Variants in LSAMP observed in about 807,000 individuals in gnomAD.
LSAMP encodes limbic system associated membrane protein.
LSAMP carries 7 observed loss-of-function variants against 38.6 expected under a neutral mutation model. That is an observed-to-expected ratio of 0.18 (90% CI 0.10 to 0.34). LSAMP has a LOEUF of 0.34. LSAMP is among the 10% of genes least tolerant of loss of function. LSAMP has a pLI of 1.00. For missense variants in LSAMP, 313 were observed against 420.0 expected, an observed-to-expected ratio of 0.75 and a Z score of 2.23; for synonymous variants, 154 against 166.8, an observed-to-expected ratio of 0.92 and a Z score of 0.59.
At chr3:116,018,654 T>C (rs1455366630) in intron 3 of LSAMP, among the ~76,000 whole-genome samples, 4 of 152,200 alleles carry the variant, frequency 2.6e-5, no homozygotes, top group Non-Finnish European at 5.9e-5. Context: ...TGACAAGACA[T>C]GGTTTTGCAT....
intron 3 of LSAMP, among the ~76,000 whole-genome samples, chr3:115,966,394 T>C (rs1208744424): frequency 1.3e-5 from 2 of 152,220 alleles, no homozygotes; most frequent in Non-Finnish European, 2.9e-5. Flanking sequence ...TTTAAACTCC[T>C]GTGATTCTGA....
At chr3:116,326,131 T>C (rs1050249844) in intron 1 of LSAMP, among the ~76,000 whole-genome samples, 15 of 152,130 alleles carry the variant, frequency 9.9e-5, no homozygotes, top group African/African-American at 3.1e-4. Flanking sequence ...TCAATCAAAC[T>C]ATCTATATAG....
At chr3:116,114,879 A>G (rs1422076904) in intron 1 of LSAMP, among the ~76,000 whole-genome samples, 1 of 152,226 alleles carries the variant, frequency 6.6e-6, no homozygotes, top group Non-Finnish European at 1.5e-5. Context: ...AAAGTCCCCT[A>G]CATTTTACAA....
chr3:116,358,570 TG>T (rs1261056883), intron 1 of LSAMP, among the ~76,000 whole-genome samples: 4 of 152,158 alleles, frequency 2.6e-5, no homozygotes, highest in Non-Finnish European at 5.9e-5. Flanking sequence ...TTTAAAACAA[TG>T]AAAATCTGTT....
chr3:116,438,984 T>C (rs1490163430), intron 1 of LSAMP, among the ~76,000 whole-genome samples: 2 of 152,180 alleles, frequency 1.3e-5, no homozygotes, highest in East Asian at 1.9e-4. Context: ...ATCTATTTAG[T>C]GCTGCCCTGA....
At position 116,075,545 on chromosome 3, in the gene LSAMP, G is replaced by GTT. The variant is rs35574635; in HGVS notation, c.388+10777_388+10778dup. Among the ~76,000 whole-genome samples the GTT allele has an allele frequency of 7.9e-4, 104 of 131,228 alleles. 1 individual carries two copies. Among genetic ancestry groups the GTT allele is most frequent in the African/African-American group, 1.9e-3 (68 of 35,774 alleles). The allele number at this position is 131,228 out of a possible 152,430, so 86.1% of individuals were successfully genotyped here. ...TATTTTGTTTTTAAATCACTTTATC[G>GTT]TTTTTTTTTTTTTTTAGATGGAGTC... On this transcript the variant is annotated intron_variant, in intron 2 of 6. Transcript: ENST00000490035.
rs561569595 is a variant in LSAMP, at chr3:116,344,405, G to T, written c.155+100472C>A. Reference sequence around the variant, plus strand: ...GATTAACAGCCAAAGATGGAAGAAGGGGGTGATGAGGGGGAGAACATTATT... The same window carrying T: ...GATTAACAGCCAAAGATGGAAGAAGTGGGTGATGAGGGGGAGAACATTATT... On this transcript the variant is annotated intron_variant, in intron 1 of 6. Transcript: ENST00000490035. Among the ~76,000 whole-genome samples, 22 of 152,188 alleles carry T rather than the reference G, an allele frequency of 1.4e-4. No individual in the cohort carries two copies. The South Asian group carries it at 3.7e-3, about 26-fold the overall frequency.
intron 1 of LSAMP, among the ~76,000 whole-genome samples, chr3:116,171,095 C>T (rs1710186836): frequency 6.6e-6 from 1 of 152,082 alleles, no homozygotes; most frequent in Non-Finnish European, 1.5e-5. Context: ...TTGGGCTTTG[C>T]TTTATTTCTC....
At chr3:116,279,779 T>C (rs533559794) in intron 1 of LSAMP, among the ~76,000 whole-genome samples, 1 of 152,186 alleles carries the variant, frequency 6.6e-6, no homozygotes, top group African/African-American at 2.4e-5. Flanking sequence ...TTGAAAATGA[T>C]AAGCATTTTC....
chr3:115,932,649 A>G (rs960449001), intron 3 of LSAMP, among the ~76,000 whole-genome samples: 2 of 152,232 alleles, frequency 1.3e-5, no homozygotes, highest in East Asian at 3.9e-4. Flanking sequence ...AAAGTAGTCA[A>G]TTTGAAGGAA....
rs554689672 is a variant in LSAMP, at chr3:115,856,618, CA to C, written c.515-4002del. ...TGGGTGACAGAGCAAGACTCCATCT[CA>C]AAAAAAAAAAAAAGAAAAGAAAACA... is the stretch of plus-strand genomic sequence containing the variant. On this transcript the variant is annotated intron_variant, in intron 3 of 6. Coordinates refer to ENST00000490035, the MANE Select transcript of LSAMP (RefSeq NM_002338.5). Among the ~76,000 whole-genome samples, 726 of 116,550 alleles carry C rather than the reference CA, an allele frequency of 6.2e-3. 3 individuals carry two copies. The highest frequency in any genetic ancestry group is 0.014 in the African/African-American group (427 of 31,486). The allele number at this position is 116,550 out of a possible 152,430, so 76.5% of individuals were successfully genotyped here.
chr3:115,937,570 G>T (rs1017787094), intron 3 of LSAMP, among the ~76,000 whole-genome samples: 10 of 151,674 alleles, frequency 6.6e-5, no homozygotes, highest in African/African-American at 2.4e-4. Context: ...GAGCCCAGGA[G>T]TTGGAGGCTA....
intron 1 of LSAMP, among the ~76,000 whole-genome samples, chr3:116,427,680 C>T (rs375311881): frequency 2.0e-5 from 3 of 151,992 alleles, no homozygotes; most frequent in East Asian, 1.9e-4. Context: ...TAGAGGTAAA[C>T]CCTCGGAATG....
At chr3:116,201,463 G>A (rs1353301684) in intron 1 of LSAMP, among the ~76,000 whole-genome samples, 1 of 152,106 alleles carries the variant, frequency 6.6e-6, no homozygotes, top group East Asian at 1.9e-4. Flanking sequence ...CTCCCATCAG[G>A]AACCTCCTGT....
intron 1 of LSAMP, among the ~76,000 whole-genome samples, chr3:116,157,101 A>T (rs765720004): frequency 7.2e-5 from 11 of 152,052 alleles, no homozygotes; most frequent in Non-Finnish European, 1.6e-4. Flanking sequence ...ACCTGGGGGA[A>T]CTTCCTAACC....
rs115327179 is a variant in LSAMP, at chr3:116,385,321, G to A, written c.155+59556C>T. Reference sequence around the variant, plus strand: ...CCTTTAATTCTCAGCAAGCTTTAAAGTGTTATGATTCTATGAGACAACTTC... The same window carrying A: ...CCTTTAATTCTCAGCAAGCTTTAAAATGTTATGATTCTATGAGACAACTTC... On this transcript the variant is annotated intron_variant, in intron 1 of 6. Transcript: ENST00000490035. Among the ~76,000 whole-genome samples, 654 of 152,268 alleles carry A rather than the reference G, an allele frequency of 4.3e-3. 6 individuals are homozygous for A. The highest frequency in any genetic ancestry group is 0.015 in the African/African-American group (620 of 41,512).
chr3:115,909,325 G>T (rs1231533085), intron 3 of LSAMP, among the ~76,000 whole-genome samples: 8 of 152,170 alleles, frequency 5.3e-5, no homozygotes, highest in Non-Finnish European at 1.5e-5. Context: ...TTCTGAGTCT[G>T]CACAGTCTTG....
At chr3:116,051,998 A>G (rs1482869165) in intron 2 of LSAMP, among the ~76,000 whole-genome samples, 2 of 152,214 alleles carry the variant, frequency 1.3e-5, no homozygotes, top group Admixed American at 1.3e-4. Flanking sequence ...GATGTGAAGT[A>G]AGAAAGAACA....
intron 3 of LSAMP, among the ~76,000 whole-genome samples, chr3:115,887,278 C>T (rs959118529): frequency 1.3e-4 from 19 of 151,748 alleles, no homozygotes; most frequent in South Asian, 6.2e-4. Flanking sequence ...TTTCTCTTTC[C>T]CATTATATAT....
Sources: allele counts gnomAD v4.1 joint callset (sites outside exome capture counted in the v4.1 genomes callset), GRCh38; gene constraint gnomAD v4.1.1; transcripts MANE v1.5; gene names NCBI Gene and HGNC (gene_info 2026-07-23, HGNC 2026-07-21).